SLC51A: variants seen among roughly 807,000 people sequenced by gnomAD.
The protein encoded by SLC51A is organic solute transporter subunit alpha.
Under a neutral mutation model 34.8 loss-of-function variants are expected in SLC51A, and 22 were observed. The observed-to-expected ratio is 0.63, with a 90% CI of 0.45 to 0.90. The LOEUF is 0.90. Among genes scored for constraint, SLC51A ranks in the 40% least tolerant of loss-of-function variants. SLC51A has a pLI of 0.00. For missense variants in SLC51A, 371 were observed against 414.8 expected (o/e 0.89, Z 0.92); for synonymous variants, 181 against 176.3 (o/e 1.03, Z -0.21).
At chr3:196,217,760 A>G in intron 1 of SLC51A, 82 bp from the exon 2 acceptor site, 1 of 1,106,416 alleles carries the variant, frequency 9.0e-7, no homozygotes, top group Non-Finnish European at 1.3e-6. Flanking sequence ...TCCTGCACTC[A>G]GGAGTGGTTG....
In SLC51A at chr3:196,216,739, G is replaced by A. The variant is rs1308043101; in HGVS notation, c.27G>A (p.Lys9=). The part of the protein sequence containing the change: MEPGRTQI[K]LDPRYTADLL... Reference sequence around the variant, plus strand: ...TGGAGCCGGGCAGGACCCAGATAAAGCTTGACCCCAGGTAAGTGAGGGCGG... The same window carrying A: ...TGGAGCCGGGCAGGACCCAGATAAAACTTGACCCCAGGTAAGTGAGGGCGG... The change falls in exon 1 of 9, where the codon AAG becomes AAA. Residue 9 remains lysine (K), a synonymous_variant. Coordinates refer to ENST00000296327, the MANE Select transcript of SLC51A (RefSeq NM_152672.6). This position sits in a 1 kb window ranked among gnomAD's most constrained non-coding sequence, Gnocchi z 4.5. 1.3e-6 allele frequency: 2 copies of A among 1,578,564 alleles called. No homozygotes were observed. Among genetic ancestry groups the A allele is most frequent in the Non-Finnish European group, 8.6e-7 (1 of 1,161,984 alleles).
intron 1 of SLC51A, among the ~76,000 whole-genome samples, chr3:196,217,159 G>A (rs1230044167): frequency 1.3e-5 from 2 of 152,214 alleles, no homozygotes; most frequent in African/African-American, 2.4e-5. Flanking sequence ...AGGCACGGCA[G>A]CCAGGCACAG....
Position 196,223,626 on chromosome 3 carries a change from G to A in SLC51A, c.134-3339G>A, listed in dbSNP as rs143653739. Among the ~76,000 whole-genome samples the A allele has an allele frequency of 1.4e-3, 209 of 151,392 alleles. 1 individual carries two copies. The highest frequency in any genetic ancestry group is 4.9e-3 in the African/African-American group (202 of 41,376). Reference sequence around the variant, plus strand: ...CCCCGCTTCCCAACCACAGAACATTGGTTTTGGAAAACCACCTGCATTAAT... The same window carrying A: ...CCCCGCTTCCCAACCACAGAACATTAGTTTTGGAAAACCACCTGCATTAAT... On this transcript the variant is annotated intron_variant, in intron 2 of 8. Transcript: ENST00000296327.
At chr3:196,223,850 T>G in intron 2 of SLC51A, 1 of 427,182 alleles carries the variant, frequency 2.3e-6, no homozygotes, top group Non-Finnish European at 4.6e-6. Flanking sequence ...TTCCTTTTTT[T>G]TAATGCCTTT....
Position 196,226,956 on chromosome 3 carries a change from C to T in SLC51A, c.134-9C>T. On this transcript the variant is annotated splice_polypyrimidine_tract_variant and intron_variant, in intron 2 of 8. Coordinates refer to ENST00000296327, the MANE Select transcript of SLC51A (RefSeq NM_152672.6). ...CCGGTCGTCAGCTCTCTGCCTTCTC[C>T]TCCTCTAGCCCTGGGCCCTGTGGAA... 1 of 1,607,058 alleles carries T rather than the reference C, an allele frequency of 6.2e-7. No homozygotes were observed. Among genetic ancestry groups the T allele is most frequent in the Non-Finnish European group, 8.5e-7 (1 of 1,176,728 alleles).
At chr3:196,232,397 G>C in intron 7 of SLC51A, 22 bp from the exon 8 acceptor site, 1 of 1,595,990 alleles carries the variant, frequency 6.3e-7, no homozygotes. Flanking sequence ...GTCCACCCTT[G>C]CCTCTCTTTT....
intron 7 of SLC51A, among the ~76,000 whole-genome samples, chr3:196,232,044 T>C (rs1261131988): frequency 6.6e-6 from 1 of 152,202 alleles, no homozygotes; most frequent in African/African-American, 2.4e-5. Context: ...TTGTCCATTA[T>C]TCTAGGAGCA....
intron 1 of SLC51A, 148 bp from the exon 2 acceptor site, chr3:196,217,694 G>A (rs1190306384): frequency 5.0e-6 from 3 of 595,426 alleles, no homozygotes; most frequent in Non-Finnish European, 6.0e-6. Flanking sequence ...TGAAAGGAAG[G>A]AAGGAAGGAA....
rs1477728717 is a variant in SLC51A, at chr3:196,228,225, G to T, written c.473G>T (p.Gly158Val). The T allele has an allele frequency of 6.2e-7, 1 of 1,613,778 alleles. No individual in the cohort carries two copies. The highest frequency in any genetic ancestry group is 8.5e-7 in the Non-Finnish European group (1 of 1,179,992). Reference sequence around the variant, plus strand: ...GACACCCCGATGATGGTCCACACAGGCCCCTGCTGCTGCTGCTGCCCCTGC... The same window carrying T: ...GACACCCCGATGATGGTCCACACAGTCCCCTGCTGCTGCTGCTGCCCCTGC... ...LRDTPMMVHTGPCCCCCPCCP... is the reference protein window; with the variant it reads ...LRDTPMMVHTVPCCCCCPCCP... Residue 158 changes from glycine (G) to valine (V), a missense_variant, in exon 5 of 9, where the codon GGC (glycine) becomes GTC (valine). Transcript: ENST00000296327. The surrounding 1 kb of genome is among the most constrained non-coding windows in gnomAD (Gnocchi z 4.9).
chr3:196,230,897 G>C (rs1724017087), intron 7 of SLC51A, among the ~76,000 whole-genome samples: 2 of 152,192 alleles, frequency 1.3e-5, no homozygotes, highest in African/African-American at 4.8e-5. Context: ...ATAAGGTCAC[G>C]AGTACCGGGG....
Position 196,228,229 on chromosome 3 carries a change from C to T in SLC51A, c.477C>T (p.Pro159=). 1 of 1,591,840 alleles carries T rather than the reference C, an allele frequency of 6.3e-7. No homozygotes were observed. Among genetic ancestry groups the T allele is most frequent in the Non-Finnish European group, 8.6e-7 (1 of 1,167,260 alleles). Residue 159 remains proline, a synonymous_variant, in exon 5 of 9, where the codon CCC becomes CCT. Coordinates refer to ENST00000296327, the MANE Select transcript of SLC51A (RefSeq NM_152672.6). The surrounding 1 kb of genome is among the most constrained non-coding windows in gnomAD (Gnocchi z 4.9). ...RDTPMMVHTG[P]CCCCCPCCPR... ...CCCCGATGATGGTCCACACAGGCCC[C>T]TGCTGCTGCTGCTGCCCCTGCTGTC...
chr3:196,227,227 C>T lies in SLC51A; in HGVS notation c.288+108C>T, dbSNP rs987550943. ...CACTTCGGCAAAGAGTGTCCTGCCA[C>T]GACCCGCGGAGGGCCGAGGTTTGCA... On this transcript the variant is annotated intron_variant, in intron 3 of 8. Coordinates refer to ENST00000296327, the MANE Select transcript of SLC51A (RefSeq NM_152672.6). The T allele has an allele frequency of 1.9e-5, 23 of 1,223,430 alleles. 1 individual carries two copies. The highest frequency in any genetic ancestry group is 1.0e-4 in the South Asian group (7 of 69,572). 75.8% of individuals were successfully genotyped at this position (1,223,430 alleles called of 1,614,324 possible). A position where few individuals can be genotyped will look rare whatever the true frequency, so the allele number is the denominator to read the frequency against.
chr3:196,221,503 C>G (rs755927120), intron 2 of SLC51A, among the ~76,000 whole-genome samples: 1 of 152,048 alleles, frequency 6.6e-6, no homozygotes, highest in Non-Finnish European at 1.5e-5. Context: ...CCAGCTCAAG[C>G]GATCCTCCTG....
chr3:196,219,187 C>T (rs144713505), intron 2 of SLC51A, among the ~76,000 whole-genome samples: 3,525 of 152,184 alleles, frequency 0.023, 71 homozygotes, highest in Non-Finnish European at 0.034. Flanking sequence ...GATCACGCCA[C>T]TGCACTGCAG....
At chr3:196,232,385 C>T (rs1724046022) in intron 7 of SLC51A, 34 bp from the exon 8 acceptor site, 1 of 1,558,990 alleles carries the variant, frequency 6.4e-7, no homozygotes, top group African/African-American at 1.4e-5. Flanking sequence ...AGGGCAGGCC[C>T]AGTCCACCCT....
At chr3:196,218,222 G>A (rs527672870) in intron 2 of SLC51A, among the ~76,000 whole-genome samples, 7 of 152,312 alleles carry the variant, frequency 4.6e-5, no homozygotes, top group Non-Finnish European at 8.8e-5. Flanking sequence ...GACCTGGGGC[G>A]CTTTTTCAGA....
chr3:196,230,642 G>A (rs1428839857), intron 7 of SLC51A, among the ~76,000 whole-genome samples: 2 of 151,708 alleles, frequency 1.3e-5, no homozygotes, highest in African/African-American at 2.4e-5. Context: ...GTACCACCAC[G>A]CCCGGCTAAT....
chr3:196,232,780 T>G (rs1724054701), intron 8 of SLC51A: 1 of 581,228 alleles, frequency 1.7e-6, no homozygotes, highest in African/African-American at 1.9e-5. Flanking sequence ...CCTCAGCTCC[T>G]GGGAGAGGAA....
chr3:196,217,507 A>C (rs1723621059), intron 1 of SLC51A, among the ~76,000 whole-genome samples: 2 of 151,636 alleles, frequency 1.3e-5, no homozygotes, highest in Non-Finnish European at 2.9e-5. Context: ...AGACCACTGC[A>C]CTCCAGCCTG....
Sources: allele counts gnomAD v4.1 joint callset (sites outside exome capture counted in the v4.1 genomes callset), GRCh38; gene constraint gnomAD v4.1.1; non-coding constraint Gnocchi (gnomAD v3.1); transcripts MANE v1.5; gene names NCBI Gene and HGNC (gene_info 2026-07-23, HGNC 2026-07-21).